EXD3: variants seen among roughly 807,000 people sequenced by gnomAD.
EXD3 encodes the protein exonuclease 3'-5' domain containing 3, also known as exonuclease mut-7 homolog.
Under a neutral mutation model 98.0 loss-of-function variants are expected in EXD3, and 92 were observed. That is an observed-to-expected ratio of 0.94 (90% CI 0.79 to 1.12). The LOEUF is 1.12. EXD3 is among the 50% of genes most tolerant of loss of function. EXD3 has a pLI of 0.00. For synonymous variants in EXD3, 569 were observed against 526.0 expected (o/e 1.08, Z -1.12); for missense variants, 1,222 against 1,191.6 (o/e 1.03, Z -0.38).
At chr9:137,387,676 G>A (rs1313517066) in intron 2 of EXD3, among the ~76,000 whole-genome samples, 1 of 152,190 alleles carries the variant, frequency 6.6e-6, no homozygotes, top group Non-Finnish European at 1.5e-5. Context: ...ATACCACGCA[G>A]GGGCACGGGG....
At chr9:137,311,575 G>A (rs952405349) in intron 19 of EXD3, among the ~76,000 whole-genome samples, 1 of 152,216 alleles carries the variant, frequency 6.6e-6, no homozygotes. Context: ...TGAGTCACCG[G>A]GTGCCGTCAG....
chr9:137,336,763 A>C (rs1833374560), intron 17 of EXD3, among the ~76,000 whole-genome samples: 1 of 152,098 alleles, frequency 6.6e-6, no homozygotes, highest in African/African-American at 2.4e-5. Flanking sequence ...ATAGCAATAG[A>C]ATTTATAGCT....
intron 2 of EXD3, among the ~76,000 whole-genome samples, chr9:137,384,381 G>A (rs1055089189): frequency 6.6e-6 from 1 of 152,262 alleles, no homozygotes; most frequent in Non-Finnish European, 1.5e-5. Context: ...AGAGAACCAC[G>A]TGGCCCTTTC....
rs1268132423 is a variant in EXD3 at position 137,373,604 on chromosome 9, G to A, written c.121-5C>T. The A allele has an allele frequency of 1.3e-6, 2 of 1,595,302 alleles. No homozygotes were observed. The highest frequency in any genetic ancestry group is 1.1e-5 in the South Asian group (1 of 88,628). ...CCGCCAGGCTTCCTCCCGGAGCTGT[G>A]GAGACACAAAACCACACTGGCACTT... On this transcript the variant is annotated splice_polypyrimidine_tract_variant and splice_region_variant and intron_variant, in intron 3 of 21. Coordinates refer to ENST00000340951, the MANE Select transcript of EXD3 (RefSeq NM_017820.5).
chr9:137,327,972 A>T (rs1832550853), intron 17 of EXD3, among the ~76,000 whole-genome samples: 1 of 152,242 alleles, frequency 6.6e-6, no homozygotes, highest in South Asian at 2.1e-4. Flanking sequence ...ATGAGTAAAA[A>T]CAACTAATAT....
At chr9:137,348,714 G>A (rs1230408954) in intron 16 of EXD3, among the ~76,000 whole-genome samples, 1 of 98,880 alleles carries the variant, frequency 1.0e-5, no homozygotes, top group Non-Finnish European at 2.2e-5. Flanking sequence ...GGGATCACAA[G>A]GAGGGGGCTA....
chr9:137,321,279 T>C (rs927908058), intron 19 of EXD3, among the ~76,000 whole-genome samples: 3 of 152,076 alleles, frequency 2.0e-5, no homozygotes, highest in Middle Eastern at 3.2e-3. Context: ...GACCATGGGG[T>C]GGAGCTGAGC....
intron 17 of EXD3, among the ~76,000 whole-genome samples, chr9:137,327,499 T>A (rs1189033812): frequency 1.3e-5 from 2 of 152,032 alleles, no homozygotes; most frequent in Non-Finnish European, 2.9e-5. Context: ...TGTGATACAG[T>A]GAATGTGCTA....
chr9:137,307,320 C>G (rs935845677), intron 21 of EXD3, 57 bp from the exon 22 acceptor site: 1 of 1,443,484 alleles, frequency 6.9e-7, no homozygotes, highest in African/African-American at 1.4e-5. Context: ...GGCCCCCAGG[C>G]TGCTCCCAGA....
At chr9:137,383,134 C>T (rs776412226) in intron 3 of EXD3, among the ~76,000 whole-genome samples, 179 bp downstream of exon 3, 13 of 152,214 alleles carry the variant, frequency 8.5e-5, no homozygotes, top group Non-Finnish European at 1.8e-4. Context: ...GGAGGACCGC[C>T]CCCTGCCCCA....
chr9:137,390,812 A>G (rs1458365388), intron 2 of EXD3, among the ~76,000 whole-genome samples: 1 of 152,202 alleles, frequency 6.6e-6, no homozygotes, highest in Admixed American at 6.5e-5. Flanking sequence ...GCGCCGGGCC[A>G]GGCCAGCTCA....
chr9:137,311,687 G>A (rs1416835688), intron 19 of EXD3, among the ~76,000 whole-genome samples: 1 of 152,186 alleles, frequency 6.6e-6, no homozygotes, highest in Non-Finnish European at 1.5e-5. Context: ...GGGAGGCCCT[G>A]CCCCGGCCAG....
intron 10 of EXD3, chr9:137,353,002 C>T (rs1168113848): frequency 1.4e-6 from 2 of 1,382,008 alleles, no homozygotes; most frequent in Non-Finnish European, 1.9e-6. Flanking sequence ...GAGGCAAAGG[C>T]TGTCCACCCC....
intron 3 of EXD3, among the ~76,000 whole-genome samples, chr9:137,382,170 C>A (rs78602528): frequency 9.4e-6 from 1 of 106,704 alleles, no homozygotes; most frequent in African/African-American, 4.4e-5. Flanking sequence ...TGGGAGCATG[C>A]GGAGGAGGTG....
chr9:137,319,671 G>A (rs1044153537), intron 19 of EXD3, among the ~76,000 whole-genome samples: 1 of 152,208 alleles, frequency 6.6e-6, no homozygotes, highest in Admixed American at 6.5e-5. Flanking sequence ...TGCGCACATG[G>A]GACCCTGGGC....
intron 1 of EXD3, among the ~76,000 whole-genome samples, chr9:137,418,768 GA>G (rs56729101): frequency 0.036 from 5,131 of 142,530 alleles, 272 homozygotes; most frequent in African/African-American, 0.12. Context: ...TGAGTAAACA[GA>G]AAAAAAAAAA....
intron 10 of EXD3, chr9:137,353,987 C>T: frequency 9.0e-7 from 1 of 1,109,444 alleles, no homozygotes. Context: ...GGGGGCCTGG[C>T]CTTCCTCCTT....
chr9:137,416,419 G>A (rs773463348), intron 1 of EXD3, among the ~76,000 whole-genome samples: 2 of 152,168 alleles, frequency 1.3e-5, no homozygotes, highest in Non-Finnish European at 2.9e-5. Flanking sequence ...CTCCACCGCA[G>A]CTTCTGCACA....
intron 1 of EXD3, among the ~76,000 whole-genome samples, chr9:137,418,245 G>A (rs1411099082): frequency 6.6e-6 from 1 of 152,198 alleles, no homozygotes; most frequent in Non-Finnish European, 1.5e-5. Flanking sequence ...TAACTCAGGA[G>A]GCTGAGGCAG....
Sources: gnomAD v4.1 joint callset for allele counts (sites outside exome capture counted in the v4.1 genomes callset) on GRCh38, gnomAD v4.1.1 for gene constraint, MANE v1.5 for transcripts, NCBI Gene and HGNC (gene_info 2026-07-23, HGNC 2026-07-21) for gene names.